Variants in NRG1 observed in about 807,000 individuals in gnomAD.
NRG1 encodes pro-neuregulin-1, membrane-bound isoform.
Under a neutral mutation model 63.8 loss-of-function variants are expected in NRG1, and 18 were observed. The ratio of observed to expected loss-of-function variants is 0.28; its 90% confidence interval spans 0.19 to 0.42. The LOEUF is 0.42. Ranked by LOEUF, NRG1 falls within the 10% of genes least tolerant of loss-of-function variation. The pLI is 1.00. For synonymous variants in NRG1, 302 were observed against 301.3 expected (o/e 1.00, Z -0.02); for missense variants, 762 against 814.7 (o/e 0.94, Z 0.79).
intron 1 of NRG1, among the ~76,000 whole-genome samples, chr8:32,578,449 C>A (rs550566163): frequency 6.7e-6 from 1 of 149,344 alleles, no homozygotes; most frequent in Admixed American, 6.9e-5. Flanking sequence ...GGCAGAACCA[C>A]TGCAGACATT....
At chr8:32,672,574 TATG>T (rs1805969338) in intron 5 of NRG1, among the ~76,000 whole-genome samples, 1 of 152,202 alleles carries the variant, frequency 6.6e-6, no homozygotes. Flanking sequence ...GGTTACATGT[TATG>T]ATATTCTGTA....
At chr8:31,639,507 T>C in intron 1 of NRG1, 1 of 1,519,136 alleles carries the variant, frequency 6.6e-7, no homozygotes, top group South Asian at 1.2e-5. Flanking sequence ...CAACTCCGCC[T>C]CCAGGGCTCT....
chr8:32,308,877 A>G (rs2129475782), intron 1 of NRG1, among the ~76,000 whole-genome samples: 1 of 152,220 alleles, frequency 6.6e-6, no homozygotes, highest in South Asian at 2.1e-4. Context: ...AATAGACCAA[A>G]CTATTCATTC....
At chr8:32,075,968 C>G (rs544619955) in intron 1 of NRG1, among the ~76,000 whole-genome samples, 4 of 152,108 alleles carry the variant, frequency 2.6e-5, no homozygotes, top group Non-Finnish European at 2.9e-5. Flanking sequence ...CCACCGCGCT[C>G]GGCCACATGT....
intron 5 of NRG1, among the ~76,000 whole-genome samples, chr8:32,723,543 G>A (rs778822462): frequency 4.4e-4 from 67 of 151,686 alleles, no homozygotes; most frequent in Admixed American, 1.6e-3. Context: ...AAAATTAGCC[G>A]GGTGTGGTGG....
At chr8:32,153,582 T>C (rs1451424448) in intron 1 of NRG1, among the ~76,000 whole-genome samples, 1 of 152,218 alleles carries the variant, frequency 6.6e-6, no homozygotes, top group Non-Finnish European at 1.5e-5. Flanking sequence ...AATTAGTCTA[T>C]GGCCATATCA....
At chr8:32,738,581 A>T (rs1825671223) in intron 6 of NRG1, among the ~76,000 whole-genome samples, 1 of 152,178 alleles carries the variant, frequency 6.6e-6, no homozygotes, top group Non-Finnish European at 1.5e-5. Flanking sequence ...ATTTACTGTT[A>T]TTCTTATCTT....
At chr8:31,997,875 C>T (rs530833159) in intron 1 of NRG1, among the ~76,000 whole-genome samples, 4 of 152,082 alleles carry the variant, frequency 2.6e-5, no homozygotes, top group South Asian at 2.1e-4. Flanking sequence ...ATCTCCATCT[C>T]GCAAATAAGG....
At chr8:31,750,313 G>A (rs536622485) in intron 1 of NRG1, among the ~76,000 whole-genome samples, 39 of 151,872 alleles carry the variant, frequency 2.6e-4, no homozygotes, top group East Asian at 3.9e-4. Flanking sequence ...AAGAAGCACC[G>A]TGCTCCAATG....
chr8:32,449,030 C>G (rs1384970163), intron 1 of NRG1, among the ~76,000 whole-genome samples: 5 of 152,152 alleles, frequency 3.3e-5, no homozygotes, highest in Non-Finnish European at 7.3e-5. Context: ...CATGATGGCT[C>G]ACGCCTCTAA....
intron 1 of NRG1, among the ~76,000 whole-genome samples, chr8:32,132,375 C>T (rs1172077998): frequency 6.6e-6 from 1 of 152,034 alleles, no homozygotes; most frequent in Non-Finnish European, 1.5e-5. Flanking sequence ...TGCTCTACAC[C>T]ATACTAATTT....
chr8:32,223,803 C>T (rs1445022728), intron 1 of NRG1, among the ~76,000 whole-genome samples: 1 of 151,698 alleles, frequency 6.6e-6, no homozygotes, highest in Non-Finnish European at 1.5e-5. Flanking sequence ...AGGCCCGTAG[C>T]GGAAAATTAT....
chr8:32,248,396 T>G (rs1433198299), intron 1 of NRG1, among the ~76,000 whole-genome samples: 1 of 152,072 alleles, frequency 6.6e-6, no homozygotes, highest in East Asian at 1.9e-4. Flanking sequence ...TTATGCAAAG[T>G]GGCAAAAATG....
chr8:32,762,944 G>T (rs570375633), intron 11 of NRG1, among the ~76,000 whole-genome samples: 1 of 152,118 alleles, frequency 6.6e-6, no homozygotes, highest in African/African-American at 2.4e-5. Flanking sequence ...AACCCTTGAG[G>T]CATCATGAAA....
chr8:32,320,796 T>G (rs543136105), intron 1 of NRG1, among the ~76,000 whole-genome samples: 1 of 152,166 alleles, frequency 6.6e-6, no homozygotes, highest in Non-Finnish European at 1.5e-5. Flanking sequence ...TCAAAAGACA[T>G]GTCATCATTA....
At chr8:32,712,513 A>C (rs2128985490) in intron 5 of NRG1, among the ~76,000 whole-genome samples, 1 of 152,324 alleles carries the variant, frequency 6.6e-6, no homozygotes, top group South Asian at 2.1e-4. Flanking sequence ...CTTGTCTCTT[A>C]TTGTAAATTA....
intron 1 of NRG1, among the ~76,000 whole-genome samples, chr8:31,774,587 T>C (rs1000799157): frequency 6.6e-6 from 1 of 152,178 alleles, no homozygotes; most frequent in Admixed American, 6.5e-5. Context: ...AGATTCGGGA[T>C]ATTAATCATT....
In NRG1 at chr8:31,712,255, CTTTTTTTTTTTTTTTTT is replaced by C. The variant is rs57363109; in HGVS notation, c.37+72838_37+72854del. ...TGACTTCCTGTTTCTTCTTCATGATCTTTTTTTTTTTTTTTTTTTTTTTTTTTTTTGATGGAGTCTCA... is the reference window on the plus strand; with the variant it reads ...TGACTTCCTGTTTCTTCTTCATGATCTTTTTTTTTTTTTGATGGAGTCTCA... On this transcript the variant is annotated intron_variant, in intron 1 of 10. Coordinates refer to the NRG1 transcript ENST00000519301. Among the ~76,000 whole-genome samples the C allele has an allele frequency of 1.4e-4, 10 of 72,350 alleles. No homozygotes were observed. The South Asian group carries it at 2.2e-3, about 16-fold the overall frequency. The allele number at this position is 72,350 out of a possible 152,430, so 47.5% of individuals were successfully genotyped here.
At chr8:32,121,312 A>G (rs1484356659) in intron 1 of NRG1, among the ~76,000 whole-genome samples, 2 of 152,008 alleles carry the variant, frequency 1.3e-5, no homozygotes, top group Non-Finnish European at 2.9e-5. Flanking sequence ...CTTTGAGTGC[A>G]TGAAAAACAC....
Sources: allele counts gnomAD v4.1 joint callset (sites outside exome capture counted in the v4.1 genomes callset), GRCh38; gene constraint gnomAD v4.1.1; transcripts MANE v1.5; gene names NCBI Gene and HGNC (gene_info 2026-07-23, HGNC 2026-07-21).